EHD3: variants seen among roughly 807,000 people sequenced by gnomAD.
The protein encoded by EHD3 is EH domain-containing protein 3.
A neutral mutation model predicts 43.0 loss-of-function variants in EHD3; 17 were observed. The ratio of observed to expected loss-of-function variants is 0.40; its 90% CI spans 0.27 to 0.59. The LOEUF (loss-of-function observed/expected upper bound fraction) is 0.59, where lower values mean the gene tolerates loss of function less well. Among genes scored for constraint, EHD3 ranks in the 20% least tolerant of loss-of-function variants. The pLI, the probability that EHD3 is intolerant of heterozygous loss-of-function variation, is 0.49. For synonymous variants in EHD3, 313 were observed against 289.5 expected (o/e 1.08, Z -0.82); for missense variants, 594 against 705.6 (o/e 0.84, Z 1.79).
intron 1 of EHD3, among the ~76,000 whole-genome samples, chr2:31,236,127 T>C (rs907089260): frequency 6.6e-6 from 1 of 152,202 alleles, no homozygotes. Context: ...GGTACTAATT[T>C]TCTCTAACAT....
chr2:31,250,413 T>C (rs1343937776), intron 3 of EHD3, among the ~76,000 whole-genome samples: 1 of 151,936 alleles, frequency 6.6e-6, no homozygotes, highest in Non-Finnish European at 1.5e-5. Context: ...ATTACAGGCG[T>C]GCACCACCAC....
intron 3 of EHD3, among the ~76,000 whole-genome samples, chr2:31,249,751 A>G (rs555965450): frequency 9.9e-5 from 15 of 152,252 alleles, no homozygotes; most frequent in African/African-American, 3.6e-4. Flanking sequence ...CGTTGGGTTT[A>G]TTCATGCTAC....
At chr2:31,249,536 A>C in intron 3 of EHD3, 68 bp downstream of exon 3, 1 of 1,417,178 alleles carries the variant, frequency 7.1e-7, no homozygotes, top group Non-Finnish European at 9.9e-7. Flanking sequence ...TCTCTTACAT[A>C]CCAGAAGAGA....
chr2:31,261,831 C>A lies in EHD3; in HGVS notation c.1080+118C>A. 10 of 1,114,442 alleles carry A rather than the reference C, an allele frequency of 9.0e-6. No individual in the cohort carries two copies. In the South Asian group the frequency reaches 1.0e-4, roughly 12 times the overall value. 69.0% of individuals were successfully genotyped at this position (1,114,442 alleles called of 1,614,324 possible). A position where few individuals can be genotyped will look rare whatever the true frequency, so the allele number is the denominator to read the frequency against. On this transcript the variant is annotated intron_variant, in intron 5 of 5. Coordinates refer to ENST00000322054, the MANE Select transcript of EHD3 (RefSeq NM_014600.3). ...CAGGGAGAACCCCGCCCAGAATCTGCAGGCAAGGAGGTGGCCCTGGATCTA... is the reference window on the plus strand; with the variant it reads ...CAGGGAGAACCCCGCCCAGAATCTGAAGGCAAGGAGGTGGCCCTGGATCTA...
intron 3 of EHD3, among the ~76,000 whole-genome samples, chr2:31,253,531 A>C (rs1033770936): frequency 5.3e-5 from 8 of 152,198 alleles, no homozygotes; most frequent in African/African-American, 1.7e-4. Flanking sequence ...GTCTCACCAG[A>C]TAAAAAGGGG....
intron 1 of EHD3, among the ~76,000 whole-genome samples, chr2:31,240,889 C>T (rs1683409912): frequency 6.6e-6 from 1 of 152,190 alleles, no homozygotes; most frequent in South Asian, 2.1e-4. Flanking sequence ...CCTTGCAGAG[C>T]CCTGCTTAGG....
Position 31,266,746 on chromosome 2 carries a change from G to T in EHD3, c.*42G>T. On this transcript the variant is annotated 3_prime_UTR_variant, in exon 6 of 6. Transcript: ENST00000322054. This position sits in a 1 kb window ranked among gnomAD's most constrained non-coding sequence, Gnocchi z 5.1. ...TCAGACGGGCAGTGTTAGAGGAGGA[G>T]ATGGGAGCGGTGACTACACACACAC... The T allele has an allele frequency of 2.6e-6, 4 of 1,545,280 alleles. 1 individual carries two copies. Among genetic ancestry groups the T allele is most frequent in the Non-Finnish European group, 2.6e-6 (3 of 1,147,564 alleles).
Position 31,260,774 on chromosome 2 carries a change from C to G in EHD3, c.767C>G (p.Ser256Cys), listed in dbSNP as rs1558652103. 1.2e-6 allele frequency: 2 copies of G among 1,614,078 alleles called. No homozygotes were observed. The highest frequency in any genetic ancestry group is 1.3e-5 in the African/African-American group (1 of 74,928). Residue 256 changes from serine (S) to cysteine (C), a missense_variant, in exon 4 of 6, where the codon TCC (serine) becomes TGC (cysteine). By Grantham distance (112) the Ser-to-Cys change is moderately radical. Around this residue, in one of 3 missense-constraint regions of EHD3, gnomAD observed 29 missense variants for 60.9 expected, o/e 0.48. Coordinates refer to ENST00000322054, the MANE Select transcript of EHD3 (RefSeq NM_014600.3). The surrounding 1 kb of genome is among the most constrained non-coding windows in gnomAD (Gnocchi z 4.6). Reference sequence around the variant, plus strand: ...GAGGTGATCCGGGTCTACATCGGCTCCTTCTGGTCCCACCCCCTCCTCATC... The same window carrying G: ...GAGGTGATCCGGGTCTACATCGGCTGCTTCTGGTCCCACCCCCTCCTCATC... The part of the protein sequence containing the change: ...TPEVIRVYIG[S>C]FWSHPLLIPD...
intron 5 of EHD3, among the ~76,000 whole-genome samples, chr2:31,265,521 A>C (rs151263090): frequency 6.6e-6 from 1 of 152,216 alleles, no homozygotes; most frequent in Non-Finnish European, 1.5e-5. Context: ...CTGTATTTTG[A>C]AAACTCTCCT....
In EHD3 at chr2:31,260,360, G is replaced by A; in HGVS notation, c.503-150G>A. 1.4e-6 allele frequency: 1 copy of A among 714,170 alleles called. No homozygotes were observed. The highest frequency in any genetic ancestry group is 2.1e-6 in the Non-Finnish European group (1 of 471,960). The allele number at this position is 714,170 out of a possible 1,614,324, so 44.2% of individuals were successfully genotyped here. A position where few individuals can be genotyped will look rare whatever the true frequency, so the allele number is the denominator to read the frequency against. On this transcript the variant is annotated intron_variant, in intron 3 of 5. Transcript: ENST00000322054. This position sits in a 1 kb window ranked among gnomAD's most constrained non-coding sequence, Gnocchi z 4.6. ...CTATGAGACATTGAGTAATTTGCTG[G>A]AGTCCAAACAGTTAAAATGTGGAGG... is the stretch of plus-strand genomic sequence containing the variant.
At chr2:31,244,165 G>A (rs1210061169) in intron 1 of EHD3, 109 bp from the exon 2 acceptor site, 13 of 1,031,308 alleles carry the variant, frequency 1.3e-5, no homozygotes, top group African/African-American at 6.3e-5. Flanking sequence ...ATCTTGCTGC[G>A]GTGGCCCTGC....
Position 31,260,993 on chromosome 2 carries a change from A to C in EHD3, c.915+71A>C. On this transcript the variant is annotated intron_variant, in intron 4 of 5. Coordinates refer to ENST00000322054, the MANE Select transcript of EHD3 (RefSeq NM_014600.3). This position sits in a 1 kb window ranked among gnomAD's most constrained non-coding sequence, Gnocchi z 4.6. ...AGTTTGGGGTCAGCTGCACGAGCTGAGGGTTGCTGCCTCCAACAGCCAGTG... is the reference window on the plus strand; with the variant it reads ...AGTTTGGGGTCAGCTGCACGAGCTGCGGGTTGCTGCCTCCAACAGCCAGTG... 4.0e-6 allele frequency: 6 copies of C among 1,508,904 alleles called. No individual in the cohort carries two copies. The highest frequency in any genetic ancestry group is 5.3e-6 in the Non-Finnish European group (6 of 1,122,036). The allele number at this position is 1,508,904 out of a possible 1,614,324, so 93.5% of individuals were successfully genotyped here.
chr2:31,237,937 G>A (rs1432596795), intron 1 of EHD3, among the ~76,000 whole-genome samples: 1 of 151,764 alleles, frequency 6.6e-6, no homozygotes, highest in Admixed American at 6.6e-5. Flanking sequence ...TGTTATTGTA[G>A]AATAATTCTG....
rs1221204104 is a variant in EHD3 at position 31,267,458 on chromosome 2, C to G, written c.*754C>G. The stretch of plus-strand genomic sequence containing the variant: ...TTGTTAGATGTTCTTTCCACCTGGC[C>G]TATGATGTTTAGATGTTCATACTTG... On this transcript the variant is annotated 3_prime_UTR_variant, in exon 6 of 6. Coordinates refer to ENST00000322054, the MANE Select transcript of EHD3 (RefSeq NM_014600.3). 1 of 152,596 alleles carries G rather than the reference C, an allele frequency of 6.6e-6. No homozygotes were observed. Among genetic ancestry groups the G allele is most frequent in the Non-Finnish European group, 1.5e-5 (1 of 68,028 alleles). The allele number at this position is 152,596 out of a possible 1,614,324, so 9.5% of individuals were successfully genotyped here.
intron 3 of EHD3, among the ~76,000 whole-genome samples, chr2:31,250,854 T>C (rs1683621216): frequency 6.6e-6 from 1 of 152,206 alleles, no homozygotes; most frequent in Admixed American, 6.5e-5. Flanking sequence ...GGGAAGCAGC[T>C]AGAACTCTTG....
chr2:31,254,759 G>C (rs1439577586), intron 3 of EHD3, among the ~76,000 whole-genome samples: 1 of 152,190 alleles, frequency 6.6e-6, no homozygotes, highest in Non-Finnish European at 1.5e-5. Context: ...GCAAGTCAAG[G>C]AGCTGGGTTC....
At chr2:31,246,275 G>A (rs969533632) in intron 2 of EHD3, among the ~76,000 whole-genome samples, 3 of 151,964 alleles carry the variant, frequency 2.0e-5, no homozygotes, top group African/African-American at 7.2e-5. Context: ...GAGGGGGTGG[G>A]ATGAGCATGA....
intron 3 of EHD3, among the ~76,000 whole-genome samples, chr2:31,250,981 G>C (rs1683623525): frequency 6.6e-6 from 1 of 152,228 alleles, no homozygotes; most frequent in Non-Finnish European, 1.5e-5. Context: ...GTGGGGCCCA[G>C]AAACCTTTGC....
At position 31,268,771 on chromosome 2, in the gene EHD3, C is replaced by T. The variant is rs1684001990; in HGVS notation, c.*2067C>T. On this transcript the variant is annotated 3_prime_UTR_variant, in exon 6 of 6. Transcript: ENST00000322054. Reference sequence around the variant, plus strand: ...TTAGGGACCATTTCTCAACTCCACACCTTTCTTCAAGCTGAAGGAGAAATG... The same window carrying T: ...TTAGGGACCATTTCTCAACTCCACATCTTTCTTCAAGCTGAAGGAGAAATG... 6.6e-6 allele frequency: 1 copy of T among 152,220 alleles called. No individual in the cohort carries two copies. The highest frequency in any genetic ancestry group is 2.1e-4 in the South Asian group (1 of 4,828). The allele number at this position is 152,220 out of a possible 1,614,324, so 9.4% of individuals were successfully genotyped here. A position where few individuals can be genotyped will look rare whatever the true frequency, so the allele number is the denominator to read the frequency against.
Sources: allele counts gnomAD v4.1 joint callset (sites outside exome capture counted in the v4.1 genomes callset), GRCh38; gene constraint gnomAD v4.1.1; regional missense constraint gnomAD v4.1.1; non-coding constraint Gnocchi (gnomAD v3.1); transcripts MANE v1.5; gene names NCBI Gene and HGNC (gene_info 2026-07-23, HGNC 2026-07-21).